The following DPYD variants were observed in gnomAD, a reference collection of about 807,000 sequenced individuals.
The protein encoded by DPYD is dihydropyrimidine dehydrogenase [NADP(+)].
A neutral mutation model predicts 116.2 loss-of-function variants in DPYD; 109 were observed. The observed-to-expected ratio is 0.94, with a 90% CI of 0.80 to 1.10. The LOEUF (loss-of-function observed/expected upper bound fraction) is 1.10, where lower values mean the gene tolerates loss of function less well. Among genes scored for constraint, DPYD ranks in the 50% least tolerant of loss-of-function variants. DPYD has a pLI of 0.00. For synonymous variants in DPYD, 440 were observed against 432.0 expected (o/e 1.02, Z -0.23); for missense variants, 1,302 against 1,254.5 (o/e 1.04, Z -0.57).
chr1:97,361,714 T>C (rs1048649057), intron 16 of DPYD, among the ~76,000 whole-genome samples: 3 of 152,232 alleles, frequency 2.0e-5, no homozygotes, highest in African/African-American at 7.2e-5. Context: ...CATATGATTA[T>C]CTCAATAGAT....
rs945175744 is a variant in DPYD, at chr1:97,697,800, C to T, written c.680+1551G>A. On this transcript the variant is annotated intron_variant, in intron 6 of 22. Coordinates refer to ENST00000370192, the MANE Select transcript of DPYD (RefSeq NM_000110.4). ...GAGATAGGCTAACAACAGTAATCTA[C>T]CAAAATTGGCAATACATAGTAAGTT... Among the ~76,000 whole-genome samples, 4 of 151,962 alleles carry T rather than the reference C, an allele frequency of 2.6e-5. No individual in the cohort carries two copies. The South Asian group carries it at 8.3e-4, about 31-fold the overall frequency.
intron 16 of DPYD, among the ~76,000 whole-genome samples, chr1:97,334,019 T>C (rs1669163185): frequency 6.6e-6 from 1 of 152,214 alleles, no homozygotes; most frequent in Admixed American, 6.5e-5. Flanking sequence ...ACTTTAGTTC[T>C]GTTTCTATAG....
At chr1:97,224,999 GTCTGTCTATCTATCTA>G (rs57046600) in intron 19 of DPYD, among the ~76,000 whole-genome samples, 7,627 of 142,332 alleles carry the variant, frequency 0.054, 264 homozygotes, top group African/African-American at 0.096. Context: ...CTATCTGTCT[GTCTGTCTATCTATCTA>G]TCTATCTATC....
chr1:97,525,976 AGAGTGTGTGTGTGT>A (rs1649051437), intron 12 of DPYD, among the ~76,000 whole-genome samples: 1 of 73,720 alleles, frequency 1.4e-5, no homozygotes, highest in Non-Finnish European at 2.9e-5. Context: ...TGGGTAATTA[AGAGTGTGTGTGTGT>A]GTGTGTGTGT....
At chr1:97,745,471 A>C (rs538823440) in intron 3 of DPYD, among the ~76,000 whole-genome samples, 1 of 152,254 alleles carries the variant, frequency 6.6e-6, no homozygotes, top group Non-Finnish European at 1.5e-5. Flanking sequence ...GATGCTCAAA[A>C]TTATTTGTTG....
At chr1:97,335,299 T>TACACAC (rs35371362) in intron 16 of DPYD, among the ~76,000 whole-genome samples, 2,820 of 136,262 alleles carry the variant, frequency 0.021, 57 homozygotes, top group African/African-American at 0.047. Context: ...TGGAGTTAAG[T>TACACAC]ACACACACAC....
intron 2 of DPYD, among the ~76,000 whole-genome samples, chr1:97,839,982 G>A (rs781296640): frequency 1.3e-5 from 2 of 151,976 alleles, no homozygotes; most frequent in Non-Finnish European, 2.9e-5. Context: ...TTTAGATATT[G>A]CCTATTCATA....
At chr1:97,751,072 C>A (rs752033563) in intron 3 of DPYD, among the ~76,000 whole-genome samples, 4 of 152,016 alleles carry the variant, frequency 2.6e-5, no homozygotes, top group Non-Finnish European at 4.4e-5. Flanking sequence ...AGACAGTATT[C>A]ATCAATAATA....
At chr1:97,830,181 C>T (rs988042766) in intron 2 of DPYD, among the ~76,000 whole-genome samples, 2 of 152,104 alleles carry the variant, frequency 1.3e-5, no homozygotes, top group Admixed American at 1.3e-4. Context: ...CAAGTCTTTG[C>T]CATTGTGAAT....
At chr1:97,111,032 A>G (rs754811146) in intron 20 of DPYD, among the ~76,000 whole-genome samples, 8 of 151,652 alleles carry the variant, frequency 5.3e-5, no homozygotes, top group East Asian at 1.9e-4. Flanking sequence ...AACCCCCACT[A>G]TTCTGTTTTT....
intron 4 of DPYD, among the ~76,000 whole-genome samples, 197 bp from the exon 5 acceptor site, chr1:97,721,868 T>G (rs962536263): frequency 6.6e-6 from 1 of 151,644 alleles, no homozygotes; most frequent in Admixed American, 6.6e-5. Context: ...GAATATTCAA[T>G]GCACAGTATG....
chr1:97,410,930 G>A (rs1164932891), intron 14 of DPYD, among the ~76,000 whole-genome samples: 1 of 152,074 alleles, frequency 6.6e-6, no homozygotes, highest in Non-Finnish European at 1.5e-5. Flanking sequence ...GTGCCTCTCT[G>A]ATTTGAAGGA....
At chr1:97,367,284 A>T (rs74105112) in intron 16 of DPYD, among the ~76,000 whole-genome samples, 8,019 of 146,548 alleles carry the variant, frequency 0.055, 230 homozygotes, top group Middle Eastern at 0.09. Flanking sequence ...TCTTTTTTTT[A>T]AAAAAAAAAA....
chr1:97,766,176 G>A (rs1665845145), intron 3 of DPYD, among the ~76,000 whole-genome samples: 1 of 152,146 alleles, frequency 6.6e-6, no homozygotes, highest in South Asian at 2.1e-4. Context: ...AGGAGATGGA[G>A]GTTATGGTGA....
intron 8 of DPYD, among the ~76,000 whole-genome samples, chr1:97,666,631 A>G (rs1571156298): frequency 2.6e-5 from 4 of 152,334 alleles, no homozygotes; most frequent in Admixed American, 2.6e-4. Context: ...CAAGCATGGT[A>G]TCAGGAAAAC....
At chr1:97,707,049 T>G (rs891453176) in intron 5 of DPYD, among the ~76,000 whole-genome samples, 1 of 152,104 alleles carries the variant, frequency 6.6e-6, no homozygotes, top group Non-Finnish European at 1.5e-5. Context: ...CTCCTCTGAA[T>G]GTTTGTGTCT....
intron 4 of DPYD, among the ~76,000 whole-genome samples, chr1:97,734,499 T>C (rs1389678933): frequency 6.6e-6 from 1 of 152,136 alleles, no homozygotes; most frequent in African/African-American, 2.4e-5. Flanking sequence ...CTTTCTTCCA[T>C]ATATCTCCCC....
At chr1:97,323,758 A>G (rs1668557660) in intron 16 of DPYD, among the ~76,000 whole-genome samples, 1 of 149,764 alleles carries the variant, frequency 6.7e-6, no homozygotes, top group Admixed American at 6.7e-5. Flanking sequence ...TTTAAAAACA[A>G]ATCCACAGAG....
intron 1 of DPYD, among the ~76,000 whole-genome samples, chr1:97,918,207 T>G (rs1295989391): frequency 1.3e-5 from 2 of 152,212 alleles, no homozygotes; most frequent in Non-Finnish European, 2.9e-5. Flanking sequence ...ATCTTTATTT[T>G]TTAACATTTT....
Sources: allele counts gnomAD v4.1 joint callset (sites outside exome capture counted in the v4.1 genomes callset), GRCh38; gene constraint gnomAD v4.1.1; transcripts MANE v1.5; gene names NCBI Gene and HGNC (gene_info 2026-07-23, HGNC 2026-07-21).